The following SLC6A13 variants were observed in gnomAD, a reference collection of about 807,000 sequenced individuals.
The protein encoded by SLC6A13 is sodium- and chloride-dependent GABA transporter 2.
A neutral mutation model predicts 72.9 loss-of-function variants in SLC6A13; 69 were observed. The observed-to-expected ratio is 0.95, with a 90% CI of 0.78 to 1.16. The LOEUF is 1.16. Among genes scored for constraint, SLC6A13 ranks in the 50% most tolerant of loss-of-function variants. The pLI is 0.00. For synonymous variants in SLC6A13, 303 were observed against 303.0 expected, an observed-to-expected ratio of 1.00 and a Z score of 0.00; for missense variants, 735 against 760.5, an observed-to-expected ratio of 0.97 and a Z score of 0.39.
At chr12:232,513 G>A (rs1454154650) in intron 7 of SLC6A13, among the ~76,000 whole-genome samples, 1 of 152,170 alleles carries the variant, frequency 6.6e-6, no homozygotes, top group Non-Finnish European at 1.5e-5. Flanking sequence ...CCTTTGCCTG[G>A]TCTGCCATAA....
intron 5 of SLC6A13, among the ~76,000 whole-genome samples, chr12:237,721 G>A (rs1941990842): frequency 6.6e-6 from 1 of 152,176 alleles, no homozygotes; most frequent in Admixed American, 6.5e-5. Context: ...GGCAAGGAAG[G>A]CCAGGCACAG....
At chr12:228,865 C>T (rs1941587026) in intron 7 of SLC6A13, among the ~76,000 whole-genome samples, 1 of 152,200 alleles carries the variant, frequency 6.6e-6, no homozygotes, top group African/African-American at 2.4e-5. Flanking sequence ...ACCCAGAACT[C>T]GTATGCTTTT....
intron 2 of SLC6A13, among the ~76,000 whole-genome samples, chr12:246,479 A>C (rs1942355164): frequency 6.6e-6 from 1 of 152,242 alleles, no homozygotes; most frequent in Non-Finnish European, 1.5e-5. Context: ...AGATGTTAGA[A>C]TTAGCAGATG....
chr12:257,140 C>T (rs1355413729), intron 2 of SLC6A13: 2 of 151,486 alleles, frequency 1.3e-5, no homozygotes, highest in Admixed American at 6.6e-5. Flanking sequence ...GTTTGCTTTG[C>T]GTGGGAGGTG....
intron 2 of SLC6A13, chr12:257,153 A>G (rs942378803): frequency 3.9e-5 from 6 of 151,976 alleles, no homozygotes; most frequent in African/African-American, 1.5e-4. Context: ...GGGAGGTGAG[A>G]GGAGTTAACT....
rs1323793892 is a variant in SLC6A13 at position 254,818 on chromosome 12, TC to T, written c.202+5032del. On this transcript the variant is annotated intron_variant, in intron 2 of 14. Coordinates refer to ENST00000343164, the MANE Select transcript of SLC6A13 (RefSeq NM_016615.5). The surrounding 1 kb of genome is among the most constrained non-coding windows in gnomAD (Gnocchi z 4.4). Reference sequence around the variant, plus strand: ...TCTGATAGATACCTCAACTCAACTTTCCCAAAATTCACCTCCTTACTTTCCC... The same window carrying T: ...TCTGATAGATACCTCAACTCAACTTTCCAAAATTCACCTCCTTACTTTCCC... 6.6e-6 allele frequency among the ~76,000 whole-genome samples: 1 copy of T among 152,146 alleles called. No homozygotes were observed. Among genetic ancestry groups the T allele is most frequent in the Non-Finnish European group, 1.5e-5 (1 of 68,024 alleles).
chr12:223,770 T>C (rs1237892578), intron 11 of SLC6A13: 5 of 559,444 alleles, frequency 8.9e-6, no homozygotes, highest in Non-Finnish European at 1.3e-5. Flanking sequence ...TGGAGCCAAA[T>C]GGCTCCTCAC....
chr12:225,508 G>C (rs914078013), intron 9 of SLC6A13, among the ~76,000 whole-genome samples: 2 of 152,130 alleles, frequency 1.3e-5, no homozygotes, highest in African/African-American at 4.8e-5. Context: ...AAATTAGCCG[G>C]GCGTGGTGGC....
At chr12:255,421 C>A (rs533305594) in intron 2 of SLC6A13, among the ~76,000 whole-genome samples, 2 of 152,304 alleles carry the variant, frequency 1.3e-5, no homozygotes, top group South Asian at 2.1e-4. Flanking sequence ...ACTGTCCGGG[C>A]GCAGTGGCTC....
Position 224,922 on chromosome 12 carries a change from G to A in SLC6A13, c.1061-409C>T, listed in dbSNP as rs573849807. Among the ~76,000 whole-genome samples the A allele has an allele frequency of 6.6e-5, 10 of 152,290 alleles. No individual in the cohort carries two copies. In the South Asian group the frequency reaches 2.1e-3, roughly 32 times the overall value. ...GGCTGGGCCTGGTGGGAAGAGGAGC[G>A]ATCACGCCCCAGCTCCTCGCGATGT... On this transcript the variant is annotated intron_variant, in intron 9 of 14. Transcript: ENST00000343164.
At chr12:232,357 G>A (rs891056057) in intron 7 of SLC6A13, among the ~76,000 whole-genome samples, 6 of 152,218 alleles carry the variant, frequency 3.9e-5, no homozygotes, top group African/African-American at 1.4e-4. Context: ...TCTTGTGTGG[G>A]GAATCCAAGC....
At chr12:258,701 A>C (rs1038862539) in intron 2 of SLC6A13, among the ~76,000 whole-genome samples, 2 of 152,178 alleles carry the variant, frequency 1.3e-5, no homozygotes, top group Non-Finnish European at 1.5e-5. Flanking sequence ...AAATTCCCTG[A>C]CTGTGGGTTA....
Position 239,652 on chromosome 12 carries a change from C to T in SLC6A13, c.479-1642G>A, listed in dbSNP as rs368630524. 2.3e-4 allele frequency among the ~76,000 whole-genome samples: 35 copies of T among 152,298 alleles called. No individual in the cohort carries two copies. The East Asian group carries it at 3.7e-3, about 16-fold the overall frequency. On this transcript the variant is annotated intron_variant, in intron 4 of 14. Coordinates refer to ENST00000343164, the MANE Select transcript of SLC6A13 (RefSeq NM_016615.5). ...TGTTTTGTTTATGTCTACCTCCCATCGCTACAATGAAAGCCCCAGGAGGGT... is the reference window on the plus strand; with the variant it reads ...TGTTTTGTTTATGTCTACCTCCCATTGCTACAATGAAAGCCCCAGGAGGGT...
intron 4 of SLC6A13, 151 bp downstream of exon 4, chr12:242,463 A>C (rs1942200011): frequency 1.7e-6 from 1 of 587,132 alleles, no homozygotes; most frequent in African/African-American, 1.9e-5. Flanking sequence ...ACGCTGGTGA[A>C]TTCTTGATCT....
At chr12:238,179 A>C in intron 4 of SLC6A13, 169 bp from the exon 5 acceptor site, 1 of 1,530,686 alleles carries the variant, frequency 6.5e-7, no homozygotes, top group East Asian at 2.5e-5. Flanking sequence ...ACCTCAACAA[A>C]TGCAGCTCAC....
chr12:237,894 G>A lies in SLC6A13; in HGVS notation c.563+32C>T, dbSNP rs1415130051. 5 of 1,486,416 alleles carry A rather than the reference G, an allele frequency of 3.4e-6. No individual in the cohort carries two copies. The South Asian group carries it at 5.6e-5, about 17-fold the overall frequency. The allele number at this position is 1,486,416 out of a possible 1,614,324, so 92.1% of individuals were successfully genotyped here. A position where few individuals can be genotyped will look rare whatever the true frequency, so the allele number is the denominator to read the frequency against. The stretch of plus-strand genomic sequence containing the variant: ...CCCATACCCTTCTTCTGAACACACG[G>A]CCCACAGTGGGTGGGGAAGGGTCTC... On this transcript the variant is annotated intron_variant, in intron 5 of 14. Coordinates refer to ENST00000343164, the MANE Select transcript of SLC6A13 (RefSeq NM_016615.5).
intron 4 of SLC6A13, among the ~76,000 whole-genome samples, chr12:239,192 C>A (rs914845123): frequency 4.9e-5 from 5 of 101,988 alleles, no homozygotes; most frequent in South Asian, 5.2e-4. Flanking sequence ...ACGTGCTCTA[C>A]CACGTCCACC....
At chr12:259,664 C>T in intron 2 of SLC6A13, 187 bp downstream of exon 2, 2 of 1,453,632 alleles carry the variant, frequency 1.4e-6, no homozygotes, top group South Asian at 1.4e-5. Flanking sequence ...TAGAAAGAGC[C>T]CTGGGATAGT....
intron 2 of SLC6A13, among the ~76,000 whole-genome samples, chr12:244,729 A>G (rs1264540159): frequency 2.6e-5 from 4 of 152,074 alleles, no homozygotes; most frequent in Non-Finnish European, 4.4e-5. Context: ...TGTCTTTTAT[A>G]TGAATATTCT....
Sources: allele counts gnomAD v4.1 joint callset (sites outside exome capture counted in the v4.1 genomes callset), GRCh38; gene constraint gnomAD v4.1.1; non-coding constraint Gnocchi (gnomAD v3.1); transcripts MANE v1.5; gene names NCBI Gene and HGNC (gene_info 2026-07-23, HGNC 2026-07-21).